ADAMTS6: variants seen among roughly 807,000 people sequenced by gnomAD.
The protein encoded by ADAMTS6 is ADAM metallopeptidase with thrombospondin type 1 motif 6, also known as A disintegrin and metalloproteinase with thrombospondin motifs 6.
ADAMTS6 carries 23 observed loss-of-function variants against 144.3 expected under a neutral mutation model. The ratio of observed to expected loss-of-function variants is 0.16; its 90% CI spans 0.11 to 0.23. The LOEUF is 0.23. ADAMTS6 is among the 10% of genes least tolerant of loss of function. ADAMTS6 has a pLI of 1.00. For missense variants in ADAMTS6, 999 were observed against 1,379.6 expected, an observed-to-expected ratio of 0.72 and a Z score of 4.37; for synonymous variants, 444 against 457.5, an observed-to-expected ratio of 0.97 and a Z score of 0.38.
intron 21 of ADAMTS6, among the ~76,000 whole-genome samples, chr5:65,192,818 C>T (rs1337035854): frequency 1.3e-5 from 2 of 151,828 alleles, no homozygotes; most frequent in African/African-American, 4.8e-5. Flanking sequence ...CAAAGTCTTC[C>T]AAATAAACAT....
At chr5:65,334,210 G>A in intron 7 of ADAMTS6, 125 bp from the exon 8 acceptor site, 1 of 1,090,988 alleles carries the variant, frequency 9.2e-7, no homozygotes, top group Non-Finnish European at 1.3e-6. Flanking sequence ...CAATCAACTG[G>A]AGTGTCGGCA....
intron 11 of ADAMTS6, among the ~76,000 whole-genome samples, chr5:65,289,637 A>G (rs1169556115): frequency 6.6e-6 from 1 of 152,224 alleles, no homozygotes; most frequent in Non-Finnish European, 1.5e-5. Flanking sequence ...AGATATATAG[A>G]TATAGCAAGA....
At chr5:65,258,949 G>A (rs1339113805) in intron 14 of ADAMTS6, among the ~76,000 whole-genome samples, 1 of 152,074 alleles carries the variant, frequency 6.6e-6, no homozygotes, top group Non-Finnish European at 1.5e-5. Flanking sequence ...GCAAATAAAT[G>A]GTACAAAAGC....
chr5:65,435,258 G>C lies in ADAMTS6; in HGVS notation c.1073+16217C>G, dbSNP rs115098120. The stretch of plus-strand genomic sequence containing the variant: ...TAATGGAGCAAAAGAATACAAACGT[G>C]GATAGGGAGGATACATACAAATTCA... On this transcript the variant is annotated intron_variant, in intron 7 of 24. Transcript: ENST00000381055. Among the ~76,000 whole-genome samples the C allele has an allele frequency of 5.5e-3, 830 of 152,196 alleles. 9 individuals carry two copies. The highest frequency in any genetic ancestry group is 0.019 in the African/African-American group (807 of 41,528).
chr5:65,156,150 A>AGAGC (rs1752403205), intron 24 of ADAMTS6, among the ~76,000 whole-genome samples: 1 of 152,138 alleles, frequency 6.6e-6, no homozygotes, highest in Non-Finnish European at 1.5e-5. Flanking sequence ...GAGAGGACTG[A>AGAGC]TTTGCTGTGC....
At chr5:65,448,478 T>C (rs1420646073) in intron 7 of ADAMTS6, among the ~76,000 whole-genome samples, 1 of 151,790 alleles carries the variant, frequency 6.6e-6, no homozygotes, top group African/African-American at 2.4e-5. Context: ...TTTTTTTTTT[T>C]TGCTCTCTCT....
chr5:65,226,332 T>C, intron 15 of ADAMTS6, 113 bp from the exon 16 acceptor site: 5 of 1,081,190 alleles, frequency 4.6e-6, no homozygotes, highest in Non-Finnish European at 5.0e-6. Context: ...CCTGCTTATA[T>C]GCCTGATTGT....
rs1334969371 is a variant in ADAMTS6, at chr5:65,473,831, T to A, written c.-158A>T. The A allele has an allele frequency of 8.8e-5, 49 of 557,386 alleles. No individual in the cohort carries two copies. The highest frequency in any genetic ancestry group is 6.5e-6 in the Non-Finnish European group (2 of 308,612). 34.5% of individuals were successfully genotyped at this position (557,386 alleles called of 1,614,324 possible). A position where few individuals can be genotyped will look rare whatever the true frequency, so the allele number is the denominator to read the frequency against. On this transcript the variant is annotated 5_prime_UTR_variant, in exon 2 of 25. Transcript: ENST00000381055. ...TAAGAGCCACTTTTATCCAACATCC[T>A]GCACTTTCTTCTATATCTGGATTCA...
At chr5:65,466,460 G>A (rs1760009666) in intron 3 of ADAMTS6, among the ~76,000 whole-genome samples, 1 of 152,074 alleles carries the variant, frequency 6.6e-6, no homozygotes, top group Non-Finnish European at 1.5e-5. Context: ...ACGTATTATA[G>A]TTTTTATTTA....
At chr5:65,254,352 C>T (rs371678264) in intron 14 of ADAMTS6, among the ~76,000 whole-genome samples, 2 of 151,812 alleles carry the variant, frequency 1.3e-5, no homozygotes, top group African/African-American at 2.4e-5. Flanking sequence ...TAGAGGCAGA[C>T]GATTCAAAGA....
intron 1 of ADAMTS6, among the ~76,000 whole-genome samples, chr5:65,474,796 C>CAAAAAAAAAAAAAAAAAAAAAAAAAA (rs11330695): frequency 1.3e-5 from 1 of 78,882 alleles, no homozygotes; most frequent in African/African-American, 4.3e-5. Flanking sequence ...AAACTGTGAC[C>CAAAAAAAAAAAAAAAAAAAAAAAAAA]AAAAAAAAAA....
intron 7 of ADAMTS6, among the ~76,000 whole-genome samples, chr5:65,431,625 A>C (rs549877321): frequency 1.3e-5 from 2 of 152,280 alleles, no homozygotes; most frequent in Non-Finnish European, 2.9e-5. Flanking sequence ...AATATATATT[A>C]ATTTCCCCAT....
chr5:65,253,046 C>A lies in ADAMTS6; in HGVS notation c.1830+7554G>T, dbSNP rs573909472. ...GGGACTACAGGCATGCACCATCATG[C>A]CCAGCTACTTTCTGTATTTTTTGTA... is the stretch of plus-strand genomic sequence containing the variant. On this transcript the variant is annotated intron_variant, in intron 14 of 24. Transcript: ENST00000381055. 2.0e-5 allele frequency among the ~76,000 whole-genome samples: 3 copies of A among 151,994 alleles called. No individual in the cohort carries two copies. In the South Asian group the frequency reaches 6.2e-4, roughly 32 times the overall value.
At chr5:65,348,400 C>T (rs1248931179) in intron 7 of ADAMTS6, among the ~76,000 whole-genome samples, 1 of 151,862 alleles carries the variant, frequency 6.6e-6, no homozygotes, top group Non-Finnish European at 1.5e-5. Flanking sequence ...TGAAATAAGC[C>T]AGGCACAGAG....
chr5:65,455,510 C>A (rs1459311928), intron 4 of ADAMTS6, among the ~76,000 whole-genome samples: 1 of 152,070 alleles, frequency 6.6e-6, no homozygotes, highest in Non-Finnish European at 1.5e-5. Context: ...CCACTGCACT[C>A]TAGCCTGGGC....
chr5:65,164,463 C>T (rs1427400823), intron 24 of ADAMTS6, among the ~76,000 whole-genome samples: 14 of 143,636 alleles, frequency 9.7e-5, no homozygotes, highest in East Asian at 2.0e-4. Flanking sequence ...GAGGGGCGCC[C>T]GCCATTGCCC....
intron 7 of ADAMTS6, among the ~76,000 whole-genome samples, chr5:65,368,868 A>G (rs1379766926): frequency 6.6e-6 from 1 of 152,212 alleles, no homozygotes; most frequent in East Asian, 1.9e-4. Context: ...CAGTCTGGCC[A>G]ACATGGTGAA....
At chr5:65,440,912 C>G (rs893218503) in intron 7 of ADAMTS6, among the ~76,000 whole-genome samples, 4 of 152,054 alleles carry the variant, frequency 2.6e-5, no homozygotes, top group African/African-American at 9.7e-5. Flanking sequence ...AGGAAAAGCT[C>G]AAGAATAATT....
intron 24 of ADAMTS6, among the ~76,000 whole-genome samples, chr5:65,169,949 G>T (rs937491586): frequency 6.0e-5 from 9 of 151,150 alleles, no homozygotes; most frequent in Non-Finnish European, 7.4e-5. Flanking sequence ...TGATGAGTTA[G>T]TGGGTGCAGC....
Sources: allele counts gnomAD v4.1 joint callset (sites outside exome capture counted in the v4.1 genomes callset), GRCh38; gene constraint gnomAD v4.1.1; transcripts MANE v1.5; gene names NCBI Gene and HGNC (gene_info 2026-07-23, HGNC 2026-07-21).